Variants in ZRANB3 observed in about 807,000 individuals in gnomAD.
ZRANB3 encodes DNA annealing helicase and endonuclease ZRANB3.
A neutral mutation model predicts 133.8 loss-of-function variants in ZRANB3; 125 were observed. The ratio of observed to expected loss-of-function variants is 0.93; its 90% CI spans 0.81 to 1.08. ZRANB3 has a LOEUF of 1.08. Ranked by LOEUF, ZRANB3 falls within the 50% of genes least tolerant of loss-of-function variation. The pLI, the probability that ZRANB3 is intolerant of heterozygous loss-of-function variation, is 0.00. For synonymous variants in ZRANB3, 387 were observed against 432.7 expected (o/e 0.89, Z 1.31); for missense variants, 1,229 against 1,275.5 (o/e 0.96, Z 0.56).
intron 12 of ZRANB3, among the ~76,000 whole-genome samples, chr2:135,231,491 G>A (rs1695010793): frequency 2.0e-5 from 3 of 152,168 alleles, no homozygotes; most frequent in South Asian, 4.1e-4. Flanking sequence ...TGGGTGCGGT[G>A]GCTCATGCCG....
chr2:135,480,984 T>A (rs1235879284), intron 2 of ZRANB3, among the ~76,000 whole-genome samples: 1 of 151,304 alleles, frequency 6.6e-6, no homozygotes, highest in Non-Finnish European at 1.5e-5. Context: ...ATGGTGTATA[T>A]GTGCCACATT....
At chr2:135,458,147 A>G (rs981397691) in intron 2 of ZRANB3, among the ~76,000 whole-genome samples, 1 of 152,096 alleles carries the variant, frequency 6.6e-6, no homozygotes, top group Non-Finnish European at 1.5e-5. Context: ...ATTTGTTGAA[A>G]ATACTGTTCT....
chr2:135,381,056 C>G (rs953406755), intron 3 of ZRANB3, among the ~76,000 whole-genome samples: 1 of 152,098 alleles, frequency 6.6e-6, no homozygotes, highest in African/African-American at 2.4e-5. Flanking sequence ...GGTAAGGCAT[C>G]ACCTCACCTG....
rs567463995 is a variant in ZRANB3, at chr2:135,324,570, T to G, written c.678-9040A>C. On this transcript the variant is annotated intron_variant, in intron 6 of 20. Transcript: ENST00000264159. ...CGTGCATGTGTCTTTATAGCAGCAT[T>G]ATTTATAATCCTTTGGGTATATACC... Among the ~76,000 whole-genome samples the G allele has an allele frequency of 5.3e-5, 8 of 152,280 alleles. No individual in the cohort carries two copies. In the East Asian group the frequency reaches 1.2e-3, roughly 22 times the overall value.
chr2:135,511,320 G>C (rs1006769951), intron 1 of ZRANB3: 2 of 881,022 alleles, frequency 2.3e-6, no homozygotes, highest in African/African-American at 1.6e-5. Flanking sequence ...TTGGATTTCA[G>C]ATACACATTC....
chr2:135,252,851 T>C lies in ZRANB3; in HGVS notation c.1539+12683A>G, dbSNP rs78760172. ...ATGCTGTTGGCTGTGGTGTTTTCCT[T>C]AAGTGCCTGCTTCAATCCCTTCTAC... On this transcript the variant is annotated intron_variant, in intron 12 of 20. Transcript: ENST00000264159. Among the ~76,000 whole-genome samples, 467 of 152,342 alleles carry C rather than the reference T, an allele frequency of 3.1e-3. 1 individual carries two copies. Among genetic ancestry groups the C allele is most frequent in the Admixed American group, 5.0e-3 (76 of 15,302 alleles).
intron 2 of ZRANB3, among the ~76,000 whole-genome samples, chr2:135,456,489 A>T (rs1290994571): frequency 6.6e-6 from 1 of 152,238 alleles, no homozygotes; most frequent in East Asian, 1.9e-4. Flanking sequence ...AACAGCTAAC[A>T]GTGTTGTCAT....
intron 10 of ZRANB3, chr2:135,271,261 G>A: frequency 2.1e-6 from 1 of 469,504 alleles, no homozygotes; most frequent in Non-Finnish European, 4.4e-6. Context: ...TAAACTTTGT[G>A]TATTTAAGTC....
chr2:135,492,324 C>T (rs921739763), intron 2 of ZRANB3, among the ~76,000 whole-genome samples: 12 of 151,984 alleles, frequency 7.9e-5, no homozygotes, highest in African/African-American at 2.2e-4. Flanking sequence ...GTTTCAAAAA[C>T]GTTGAAAATA....
Position 135,228,028 on chromosome 2 carries a change from AAATTATTACAAAAATGTAAT to A in ZRANB3, c.1955-33_1955-14del, listed in dbSNP as rs759745648. On this transcript the variant is annotated splice_polypyrimidine_tract_variant and intron_variant, in intron 13 of 20. Transcript: ENST00000264159. The stretch of plus-strand genomic sequence containing the variant: ...TCTATTTGCATAACTATTAAAATAA[AAATTATTACAAAAATGTAAT>A]AATTTACATTTAAAAGTAAAGTAAA... 14 of 1,492,146 alleles carry A rather than the reference AAATTATTACAAAAATGTAAT, an allele frequency of 9.4e-6. No individual in the cohort carries two copies. Among genetic ancestry groups the A allele is most frequent in the African/African-American group, 2.8e-5 (2 of 70,530 alleles). The allele number at this position is 1,492,146 out of a possible 1,614,324, so 92.4% of individuals were successfully genotyped here.
At chr2:135,243,818 C>G (rs1695662096) in intron 12 of ZRANB3, among the ~76,000 whole-genome samples, 1 of 151,936 alleles carries the variant, frequency 6.6e-6, no homozygotes, top group African/African-American at 2.4e-5. Flanking sequence ...AAGGGTCTCC[C>G]TGTGTTGCCT....
chr2:135,417,303 T>C (rs1476072156), intron 2 of ZRANB3, among the ~76,000 whole-genome samples: 2 of 151,826 alleles, frequency 1.3e-5, no homozygotes, highest in African/African-American at 4.8e-5. Context: ...GGGCAAAGGA[T>C]ATGAACAGAC....
At chr2:135,222,623 C>T (rs1020267080) in intron 15 of ZRANB3, among the ~76,000 whole-genome samples, 7 of 151,962 alleles carry the variant, frequency 4.6e-5, no homozygotes, top group African/African-American at 1.2e-4. Context: ...ACAAACTGAA[C>T]GCAGAGATGG....
chr2:135,462,130 A>G (rs544322242), intron 2 of ZRANB3, among the ~76,000 whole-genome samples: 1 of 152,370 alleles, frequency 6.6e-6, no homozygotes, highest in African/African-American at 2.4e-5. Context: ...AGATATACAC[A>G]TTCATACATA....
At chr2:135,475,609 G>A (rs916934940) in intron 2 of ZRANB3, among the ~76,000 whole-genome samples, 4 of 152,126 alleles carry the variant, frequency 2.6e-5, no homozygotes, top group Non-Finnish European at 4.4e-5. Context: ...TGCTATCCCA[G>A]TGTTATTAAG....
At chr2:135,454,286 T>C (rs1351889305) in intron 2 of ZRANB3, among the ~76,000 whole-genome samples, 1 of 152,202 alleles carries the variant, frequency 6.6e-6, no homozygotes, top group African/African-American at 2.4e-5. Context: ...ACAATTCAAG[T>C]TGAGATTTGA....
At position 135,312,608 on chromosome 2, in the gene ZRANB3, G is replaced by C. The variant is rs1683050511; in HGVS notation, c.966+881C>G. ...TCACTTTTAGACAAACAGAATGTGA[G>C]CAAAATTACCTCTGTAGGGTACTGA... On this transcript the variant is annotated intron_variant, in intron 8 of 20. Transcript: ENST00000264159. Among the ~76,000 whole-genome samples the C allele has an allele frequency of 2.6e-5, 4 of 152,088 alleles. No individual in the cohort carries two copies. In the South Asian group the frequency reaches 8.3e-4, roughly 31 times the overall value.
intron 5 of ZRANB3, among the ~76,000 whole-genome samples, chr2:135,346,699 T>G (rs1477528496): frequency 1.3e-5 from 2 of 152,214 alleles, no homozygotes; most frequent in Non-Finnish European, 2.9e-5. Context: ...AATAGTATCA[T>G]GAAATCTTTT....
At chr2:135,219,207 A>C in intron 15 of ZRANB3, 29 bp from the exon 16 acceptor site, 4 of 1,411,240 alleles carry the variant, frequency 2.8e-6, no homozygotes, top group African/African-American at 3.0e-5. Flanking sequence ...GACACTAATA[A>C]TCCATTTTTG....
Sources: allele counts gnomAD v4.1 joint callset (sites outside exome capture counted in the v4.1 genomes callset), GRCh38; gene constraint gnomAD v4.1.1; transcripts MANE v1.5; gene names NCBI Gene and HGNC (gene_info 2026-07-23, HGNC 2026-07-21).